The following PTPRD variants were observed in gnomAD, a reference collection of about 807,000 sequenced individuals.
PTPRD encodes receptor-type tyrosine-protein phosphatase delta.
A neutral mutation model predicts 214.5 loss-of-function variants in PTPRD; 34 were observed. The observed-to-expected ratio is 0.16, with a 90% CI of 0.12 to 0.21. PTPRD has a LOEUF of 0.21. Among genes scored for constraint, PTPRD ranks in the 10% least tolerant of loss-of-function variants. The pLI, the probability that PTPRD is intolerant of heterozygous loss-of-function variation, is 1.00. For missense variants in PTPRD, 2,545 were observed against 2,398.7 expected, an observed-to-expected ratio of 1.06 and a Z score of -1.27; for synonymous variants, 1,128 against 845.7, an observed-to-expected ratio of 1.33 and a Z score of -5.79.
At chr9:8,792,629 T>C (rs1383935372) in intron 11 of PTPRD, among the ~76,000 whole-genome samples, 3 of 152,198 alleles carry the variant, frequency 2.0e-5, no homozygotes, top group South Asian at 4.1e-4. Context: ...AGCCTTTCCG[T>C]TGTTGTTTAA....
chr9:8,866,546 G>C (rs917467319), intron 11 of PTPRD, among the ~76,000 whole-genome samples: 2 of 152,086 alleles, frequency 1.3e-5, no homozygotes, highest in African/African-American at 4.8e-5. Flanking sequence ...TCATGATTAA[G>C]TACGTACTTT....
chr9:8,452,952 C>T (rs2096018339), intron 33 of PTPRD, among the ~76,000 whole-genome samples: 1 of 152,090 alleles, frequency 6.6e-6, no homozygotes, highest in Non-Finnish European at 1.5e-5. Flanking sequence ...GAAATATCTA[C>T]CATCAATATT....
chr9:9,053,562 A>G (rs1396162913), intron 10 of PTPRD, among the ~76,000 whole-genome samples: 1 of 152,138 alleles, frequency 6.6e-6, no homozygotes, highest in African/African-American at 2.4e-5. Context: ...CCTACCATAG[A>G]GCCTTCAGAG....
At chr9:9,883,369 G>T (rs145301935) in intron 5 of PTPRD, among the ~76,000 whole-genome samples, 2 of 152,148 alleles carry the variant, frequency 1.3e-5, no homozygotes, top group South Asian at 2.1e-4. Context: ...ACAGGCTGTA[G>T]GGAAAAGAAA....
At chr9:8,349,571 G>C (rs930769349) in intron 39 of PTPRD, among the ~76,000 whole-genome samples, 1 of 152,108 alleles carries the variant, frequency 6.6e-6, no homozygotes, top group African/African-American at 2.4e-5. Context: ...CTTGAAACAT[G>C]ATAAGAACAG....
intron 10 of PTPRD, among the ~76,000 whole-genome samples, chr9:9,096,657 C>T (rs1055694222): frequency 1.3e-5 from 2 of 152,162 alleles, no homozygotes; most frequent in African/African-American, 2.4e-5. Context: ...ACTCATATAT[C>T]CTTTACCCAG....
intron 9 of PTPRD, among the ~76,000 whole-genome samples, chr9:9,201,302 T>C (rs993182802): frequency 5.3e-5 from 8 of 152,152 alleles, no homozygotes; most frequent in Non-Finnish European, 1.2e-4. Flanking sequence ...AAATAAACTC[T>C]TGTGTTTGCA....
At chr9:9,868,101 C>A (rs1355111877) in intron 5 of PTPRD, among the ~76,000 whole-genome samples, 1 of 152,152 alleles carries the variant, frequency 6.6e-6, no homozygotes, top group Non-Finnish European at 1.5e-5. Flanking sequence ...TGCAGATAGA[C>A]CACTATGCTT....
At chr9:10,051,238 T>A (rs1294172796) in intron 3 of PTPRD, among the ~76,000 whole-genome samples, 4 of 152,128 alleles carry the variant, frequency 2.6e-5, no homozygotes, top group Admixed American at 6.6e-5. Context: ...AAAAGAGTTG[T>A]TTCGGGAAAA....
At chr9:9,335,572 A>C (rs1337282663) in intron 9 of PTPRD, among the ~76,000 whole-genome samples, 1 of 152,112 alleles carries the variant, frequency 6.6e-6, no homozygotes, top group Non-Finnish European at 1.5e-5. Context: ...ATTTTAAATT[A>C]AATAATCAAT....
At chr9:10,450,305 G>A (rs2098832502) in intron 2 of PTPRD, among the ~76,000 whole-genome samples, 1 of 151,676 alleles carries the variant, frequency 6.6e-6, no homozygotes, top group Admixed American at 6.6e-5. Context: ...AGATTATTAT[G>A]CACATAACTG....
At chr9:8,832,104 A>ATGTGTGTG (rs34699954) in intron 11 of PTPRD, among the ~76,000 whole-genome samples, 4 of 148,758 alleles carry the variant, frequency 2.7e-5, no homozygotes, top group South Asian at 2.1e-4. Context: ...GTATGTGTAT[A>ATGTGTGTG]TGTGTGTGTG....
chr9:9,199,111 G>C (rs570336416), intron 9 of PTPRD, among the ~76,000 whole-genome samples: 25 of 152,288 alleles, frequency 1.6e-4, no homozygotes, highest in African/African-American at 6.0e-4. Context: ...CTCTGATGAT[G>C]AGTGCACAAG....
chr9:9,718,590 G>T (rs116162045), intron 7 of PTPRD, among the ~76,000 whole-genome samples: 307 of 152,320 alleles, frequency 2.0e-3, no homozygotes, highest in African/African-American at 6.9e-3. Context: ...TCCCCTGCAG[G>T]CTCAGAAGTG....
At chr9:9,922,382 A>C in intron 5 of PTPRD, among the ~76,000 whole-genome samples, 1 of 152,088 alleles carries the variant, frequency 6.6e-6, no homozygotes, top group East Asian at 1.9e-4. Flanking sequence ...TCACATAATC[A>C]AGGGACCTGT....
chr9:9,875,570 C>T (rs890125074), intron 5 of PTPRD, among the ~76,000 whole-genome samples: 3 of 151,984 alleles, frequency 2.0e-5, no homozygotes, highest in African/African-American at 7.3e-5. Context: ...TGTAGGTTAA[C>T]TATTAGAATT....
chr9:8,974,678 CTA>C (rs1475751894), intron 11 of PTPRD, among the ~76,000 whole-genome samples: 1 of 152,028 alleles, frequency 6.6e-6, no homozygotes, highest in East Asian at 1.9e-4. Flanking sequence ...TTTGCTTACT[CTA>C]TGTCATCTAT....
chr9:8,492,129 T>G (rs992648151), intron 27 of PTPRD, among the ~76,000 whole-genome samples: 1 of 152,206 alleles, frequency 6.6e-6, no homozygotes, highest in Non-Finnish European at 1.5e-5. Flanking sequence ...GCTTTTCTTC[T>G]TTTTCTTTTT....
chr9:10,528,254 A>T (rs375381130), intron 2 of PTPRD, among the ~76,000 whole-genome samples: 11 of 152,286 alleles, frequency 7.2e-5, no homozygotes, highest in African/African-American at 2.6e-4. Context: ...CCTGAGTCTG[A>T]TTCCAAGTTC....
Sources: allele counts gnomAD v4.1 joint callset (sites outside exome capture counted in the v4.1 genomes callset), GRCh38; gene constraint gnomAD v4.1.1; transcripts MANE v1.5; gene names NCBI Gene and HGNC (gene_info 2026-07-23, HGNC 2026-07-21).